THSD4: variants seen among roughly 807,000 people sequenced by gnomAD.
THSD4 encodes thrombospondin type-1 domain-containing protein 4.
A neutral mutation model predicts 119.0 loss-of-function variants in THSD4; 69 were observed. The observed-to-expected ratio is 0.58, with a 90% CI of 0.48 to 0.71. The LOEUF is 0.71. THSD4 is among the 30% of genes least tolerant of loss of function. The pLI, the probability that THSD4 is intolerant of heterozygous loss-of-function variation, is 0.00. For missense variants in THSD4, 1,393 were observed against 1,391.1 expected (o/e 1.00, Z -0.02); for synonymous variants, 524 against 540.4 (o/e 0.97, Z 0.42).
At chr15:71,726,296 C>T (rs1334132574) in intron 8 of THSD4, among the ~76,000 whole-genome samples, 2 of 152,212 alleles carry the variant, frequency 1.3e-5, no homozygotes, top group Non-Finnish European at 2.9e-5. Context: ...TTGGGCCACT[C>T]CAGCCCCTCT....
chr15:71,120,388 G>A lies in THSD4; in HGVS notation c.-80+4690G>A, dbSNP rs2040399050. 2.6e-5 allele frequency among the ~76,000 whole-genome samples: 4 copies of A among 152,112 alleles called. No homozygotes were observed. In the South Asian group the frequency reaches 8.3e-4, roughly 31 times the overall value. Reference sequence around the variant, plus strand: ...TCACCCAGCTGAGTGTACTGCCTATGTTGTCTTCTCCTACCAGCCTTTCCG... The same window carrying A: ...TCACCCAGCTGAGTGTACTGCCTATATTGTCTTCTCCTACCAGCCTTTCCG... On this transcript the variant is annotated intron_variant, in intron 1 of 17. Transcript: ENST00000261862.
intron 8 of THSD4, among the ~76,000 whole-genome samples, chr15:71,696,952 G>A (rs1177036306): frequency 6.6e-6 from 1 of 152,184 alleles, no homozygotes; most frequent in Admixed American, 6.5e-5. Context: ...GTCGATCATG[G>A]TGCAGTGTAC....
In THSD4 at chr15:71,338,171, T is replaced by C. The variant is rs566292786; in HGVS notation, c.1016-73516T>C. Among the ~76,000 whole-genome samples, 6 of 152,328 alleles carry C rather than the reference T, an allele frequency of 3.9e-5. No homozygotes were observed. The East Asian group carries it at 1.2e-3, about 29-fold the overall frequency. On this transcript the variant is annotated intron_variant, in intron 6 of 17. Coordinates refer to ENST00000261862, the MANE Select transcript of THSD4 (RefSeq NM_024817.3). ...AATCAGAAGTTTGAGCTTTGAATCC[T>C]GGAGTTTCCCTAATTAGCTGTGTGA...
At chr15:71,477,290 T>C (rs1366610373) in intron 7 of THSD4, among the ~76,000 whole-genome samples, 1 of 152,146 alleles carries the variant, frequency 6.6e-6, no homozygotes, top group Non-Finnish European at 1.5e-5. Flanking sequence ...AATGAGAACA[T>C]AAACAGACTG....
At chr15:71,302,741 A>G (rs2044969610) in intron 6 of THSD4, among the ~76,000 whole-genome samples, 1 of 151,982 alleles carries the variant, frequency 6.6e-6, no homozygotes, top group Non-Finnish European at 1.5e-5. Flanking sequence ...GTGGCATGTC[A>G]TGATCTGTCA....
chr15:71,332,186 A>T (rs1246988735), intron 6 of THSD4, among the ~76,000 whole-genome samples: 1 of 152,116 alleles, frequency 6.6e-6, no homozygotes. Context: ...TTGCCTCTGG[A>T]ATCAGCCCAT....
chr15:71,193,766 G>GGC (rs2043694084), intron 3 of THSD4, among the ~76,000 whole-genome samples: 1 of 152,142 alleles, frequency 6.6e-6, no homozygotes, highest in Non-Finnish European at 1.5e-5. Flanking sequence ...GGAGTGCAGT[G>GGC]GCGTGATCTC....
chr15:71,681,106 AGT>A (rs1258609984), intron 8 of THSD4, among the ~76,000 whole-genome samples: 3 of 151,692 alleles, frequency 2.0e-5, no homozygotes, highest in Middle Eastern at 3.2e-3. Context: ...TAGTAGAGAC[AGT>A]GTCACCATGT....
chr15:71,505,240 A>T (rs12324537), intron 7 of THSD4, among the ~76,000 whole-genome samples: 17,854 of 152,236 alleles, frequency 0.12, 1,359 homozygotes, highest in African/African-American at 0.21. Flanking sequence ...CTTCTCTAAG[A>T]TGCCCAGAAC....
rs144879034 is a variant in THSD4 at position 71,536,898 on chromosome 15, T to C, written c.1153-123632T>C. Reference sequence around the variant, plus strand: ...TTTGTGGAAAAGACTATTCTTCCCTTATTGATGTAGCCTACTTTTGTCTTA... The same window carrying C: ...TTTGTGGAAAAGACTATTCTTCCCTCATTGATGTAGCCTACTTTTGTCTTA... On this transcript the variant is annotated intron_variant, in intron 7 of 17. Coordinates refer to ENST00000261862, the MANE Select transcript of THSD4 (RefSeq NM_024817.3). Among the ~76,000 whole-genome samples the C allele has an allele frequency of 1.3e-3, 196 of 152,302 alleles. 1 individual carries two copies. The highest frequency in any genetic ancestry group is 4.6e-3 in the African/African-American group (191 of 41,562).
At chr15:71,466,605 CTCT>C (rs2047503667) in intron 7 of THSD4, among the ~76,000 whole-genome samples, 1 of 152,160 alleles carries the variant, frequency 6.6e-6, no homozygotes, top group East Asian at 1.9e-4. Context: ...TCAAATGCTC[CTCT>C]TCTTTCCATC....
At chr15:71,114,651 C>A (rs913010435), upstream of THSD4, among the ~76,000 whole-genome samples, 5 of 152,230 alleles carry the variant, frequency 3.3e-5, no homozygotes, top group African/African-American at 1.2e-4. Context: ...TCACTTTGGT[C>A]ATGCCCTTTT....
chr15:71,453,003 A>C (rs553618619), intron 7 of THSD4, among the ~76,000 whole-genome samples: 3 of 152,310 alleles, frequency 2.0e-5, no homozygotes, highest in East Asian at 1.9e-4. Flanking sequence ...CAGAAAGTTT[A>C]TCTCTGTCTC....
At chr15:71,651,385 C>T (rs2051085966) in intron 7 of THSD4, among the ~76,000 whole-genome samples, 2 of 152,176 alleles carry the variant, frequency 1.3e-5, no homozygotes, top group Admixed American at 1.3e-4. Context: ...CCGTGTTTGC[C>T]AGACATCTTC....
intron 7 of THSD4, among the ~76,000 whole-genome samples, chr15:71,516,732 G>C (rs1402746401): frequency 6.6e-6 from 1 of 152,120 alleles, no homozygotes; most frequent in Non-Finnish European, 1.5e-5. Flanking sequence ...AAGAACTCTA[G>C]TAACTGAAAT....
rs530605984 is a variant in THSD4 at position 71,736,601 on chromosome 15, G to GTCTCTGTCCCTGTC, written c.1631-1123_1631-1122insCCTGTCTCTCTGTC. ...TTTCTCTGTCTCTCTTGCTCTCTTG[G>GTCTCTGTCCCTGTC]TCTCTGTCTCTGTCTCTCTGTCTCT... On this transcript the variant is annotated intron_variant, in intron 10 of 17. Transcript: ENST00000261862. Among the ~76,000 whole-genome samples, 158 of 145,094 alleles carry GTCTCTGTCCCTGTC rather than the reference G, an allele frequency of 1.1e-3. 2 individuals are homozygous for GTCTCTGTCCCTGTC. The highest frequency in any genetic ancestry group is 2.0e-3 in the Non-Finnish European group (133 of 65,490).
chr15:71,411,975 G>C (rs1211164935), intron 7 of THSD4, 152 bp downstream of exon 7: 5 of 1,010,190 alleles, frequency 4.9e-6, no homozygotes, highest in Non-Finnish European at 7.1e-6. Context: ...GGCTGAGATG[G>C]GGCTGCTTGG....
chr15:71,773,310 A>C (rs962435479), intron 17 of THSD4, among the ~76,000 whole-genome samples: 1 of 152,126 alleles, frequency 6.6e-6, no homozygotes, highest in Non-Finnish European at 1.5e-5. Context: ...CAAAATCACC[A>C]GGTCCTTGGA....
chr15:71,199,865 GTGTGTGTGTGTGT>G (rs1567155043), intron 3 of THSD4, among the ~76,000 whole-genome samples: 2,403 of 119,476 alleles, frequency 0.02, 3 homozygotes, highest in African/African-American at 0.076. Flanking sequence ...CATGTGTGGG[GTGTGTGTGTGTGT>G]GGTGCATGTG....
Sources: allele counts gnomAD v4.1 joint callset (sites outside exome capture counted in the v4.1 genomes callset), GRCh38; gene constraint gnomAD v4.1.1; transcripts MANE v1.5; gene names NCBI Gene and HGNC (gene_info 2026-07-23, HGNC 2026-07-21).